CASP2: variants seen among roughly 807,000 people sequenced by gnomAD.
CASP2 encodes the protein caspase-2.
In CASP2, 38 loss-of-function variants were observed where a neutral mutation model predicts 54.4. That is an observed-to-expected ratio of 0.70 (90% CI 0.54 to 0.92). CASP2 has a LOEUF of 0.92. Ranked by LOEUF, CASP2 falls within the 40% of genes least tolerant of loss-of-function variation. CASP2 has a pLI of 0.00. For synonymous variants in CASP2, 215 were observed against 216.3 expected (o/e 0.99, Z 0.05); for missense variants, 512 against 579.6 (o/e 0.88, Z 1.20).
intron 1 of CASP2, 103 bp from the exon 2 acceptor site, chr7:143,291,437 G>T (rs1801554031): frequency 8.7e-7 from 1 of 1,154,390 alleles, no homozygotes; most frequent in Non-Finnish European, 1.3e-6. Context: ...CTTGGTTATT[G>T]TAAGTCTTAT....
chr7:143,297,948 A>G (rs963278855), intron 6 of CASP2, among the ~76,000 whole-genome samples: 2 of 152,244 alleles, frequency 1.3e-5, no homozygotes, highest in Non-Finnish European at 2.9e-5. Flanking sequence ...ATACTTTTCA[A>G]CAACACCAGT....
In CASP2 at chr7:143,305,038, C is replaced by T; in HGVS notation, c.1326C>T (p.His442=). ...MSEYCSTLCR[H]LYLFPGHPPT ...AATACTGCAGCACTCTGTGCCGCCA[C>T]CTCTACCTGTTCCCAGGACACCCTC... is the stretch of plus-strand genomic sequence containing the variant. The change falls in exon 11 of 11, where the codon CAC becomes CAT. Residue 442 remains histidine (H), a synonymous_variant. Transcript: ENST00000310447. 6.2e-7 allele frequency: 1 copy of T among 1,614,226 alleles called. No homozygotes were observed. Among genetic ancestry groups the T allele is most frequent in the East Asian group, 2.2e-5 (1 of 44,890 alleles).
rs779635305 is a variant in CASP2 at position 143,304,925 on chromosome 7, GT to G, written c.1228-13del. On this transcript the variant is annotated splice_polypyrimidine_tract_variant and intron_variant, in intron 10 of 10. Transcript: ENST00000310447. ...GAGATTCTCAGACTTGGGCCTATTG[GT>G]TCTGCCCCTCCAGGTGAACGCACTT... is the stretch of plus-strand genomic sequence containing the variant. The G allele has an allele frequency of 2.5e-6, 4 of 1,614,056 alleles. No individual in the cohort carries two copies. The highest frequency in any genetic ancestry group is 3.4e-6 in the Non-Finnish European group (4 of 1,180,052).
rs142190608 is a variant in CASP2 at position 143,304,717 on chromosome 7, C to T, written c.1161C>T (p.Ile387=). 3.3e-4 allele frequency: 539 copies of T among 1,614,150 alleles called. 6 individuals are homozygous for T. The African/African-American group carries it at 6.1e-3, about 18-fold the overall frequency. The change falls in exon 10 of 11, where the codon ATC becomes ATT. Residue 387 remains isoleucine, a synonymous_variant. Coordinates refer to ENST00000310447, the MANE Select transcript of CASP2 (RefSeq NM_032982.4). ...MRNTKRGSWY[I]EALAQVFSER... ...ACACCAAACGAGGTTCCTGGTACAT[C>T]GAGGCTCTTGCTCAAGTGTTTTCTG...
chr7:143,292,305 A>C lies in CASP2; in HGVS notation c.231A>C (p.Lys77Asn). The C allele has an allele frequency of 3.7e-6, 6 of 1,614,190 alleles. No homozygotes were observed. The highest frequency in any genetic ancestry group is 5.1e-6 in the Non-Finnish European group (6 of 1,180,028). ...GTTTTATTCTTGTGTCTTAGGCCAA[A>C]GTGGGCAGTTTCAGCCAGAATGTGG... ...TLEMRELIQA[K>N]VGSFSQNVEL... Residue 77 changes from lysine to asparagine, a missense_variant, in exon 3 of 11, where the codon AAA becomes AAC. Transcript: ENST00000310447.
At chr7:143,296,721 A>G (rs1317891282) in intron 6 of CASP2, among the ~76,000 whole-genome samples, 2 of 148,998 alleles carry the variant, frequency 1.3e-5, no homozygotes, top group Non-Finnish European at 3.0e-5. Context: ...TTGGCAAGCA[A>G]AGAAACAGAA....
intron 2 of CASP2, 134 bp downstream of exon 2, chr7:143,291,824 G>C: frequency 1.4e-6 from 1 of 723,336 alleles, no homozygotes; most frequent in African/African-American, 2.3e-5. Context: ...TGTCTCCCAG[G>C]CTGGAGTACA....
At chr7:143,295,540 C>G (rs1801720178) in intron 6 of CASP2, among the ~76,000 whole-genome samples, 1 of 152,150 alleles carries the variant, frequency 6.6e-6, no homozygotes, top group Non-Finnish European at 1.5e-5. Context: ...TATTTTGATT[C>G]CAGAATAGTA....
rs114832439 is a variant in CASP2 at position 143,290,414 on chromosome 7, T to C, written c.75-1126T>C. Among the ~76,000 whole-genome samples the C allele has an allele frequency of 2.2e-3, 328 of 152,216 alleles. 3 individuals carry two copies. Among genetic ancestry groups the C allele is most frequent in the African/African-American group, 7.2e-3 (297 of 41,510 alleles). The stretch of plus-strand genomic sequence containing the variant: ...TCAGAATGCATTTTAGAGTAGGTTT[T>C]TAAGTTATAAATGGAAGTTATTGTA... On this transcript the variant is annotated intron_variant, in intron 1 of 10. Coordinates refer to ENST00000310447, the MANE Select transcript of CASP2 (RefSeq NM_032982.4).
intron 6 of CASP2, among the ~76,000 whole-genome samples, chr7:143,297,830 C>T (rs999420778): frequency 2.0e-5 from 3 of 152,216 alleles, no homozygotes; most frequent in African/African-American, 7.2e-5. Flanking sequence ...GGAACATTCA[C>T]AGTTATGTAT....
Position 143,307,462 on chromosome 7 carries a change from T to C in CASP2, c.*2391T>C, listed in dbSNP as rs1265157371. ...GCATTTTTAGCTCCTTGAAGACATATCATGTGTGAGATAACTTCCTTCACA... is the reference window on the plus strand; with the variant it reads ...GCATTTTTAGCTCCTTGAAGACATACCATGTGTGAGATAACTTCCTTCACA... On this transcript the variant is annotated 3_prime_UTR_variant, in exon 11 of 11. Transcript: ENST00000310447. 2 of 152,224 alleles carry C rather than the reference T, an allele frequency of 1.3e-5. No homozygotes were observed. The highest frequency in any genetic ancestry group is 6.5e-5 in the Admixed American group (1 of 15,290). 9.4% of individuals were successfully genotyped at this position (152,224 alleles called of 1,614,324 possible).
intron 6 of CASP2, among the ~76,000 whole-genome samples, chr7:143,297,019 G>A (rs887693778): frequency 1.3e-5 from 2 of 152,106 alleles, no homozygotes; most frequent in Non-Finnish European, 2.9e-5. Flanking sequence ...TTACCATGTG[G>A]TATTGTTTTT....
rs755193826 is a variant in CASP2, at chr7:143,304,922, T to C, written c.1228-18T>C. 7.4e-6 allele frequency: 12 copies of C among 1,614,116 alleles called. No individual in the cohort carries two copies. The African/African-American group carries it at 1.2e-4, about 16-fold the overall frequency. ...CCCGAGATTCTCAGACTTGGGCCTA[T>C]TGGTTCTGCCCCTCCAGGTGAACGC... On this transcript the variant is annotated intron_variant, in intron 10 of 10. Coordinates refer to ENST00000310447, the MANE Select transcript of CASP2 (RefSeq NM_032982.4).
At position 143,306,614 on chromosome 7, in the gene CASP2, G is replaced by A. The variant is rs1331115622; in HGVS notation, c.*1543G>A. 6.8e-6 allele frequency: 1 copy of A among 146,066 alleles called. No individual in the cohort carries two copies. Among genetic ancestry groups the A allele is most frequent in the African/African-American group, 2.5e-5 (1 of 39,646 alleles). The allele number at this position is 146,066 out of a possible 1,614,324, so 9.0% of individuals were successfully genotyped here. Reference sequence around the variant, plus strand: ...CTTCCATTCTTTCTTCCTCCAGTCTGTTCTCACATAACAGAGTAGTTTTGG... The same window carrying A: ...CTTCCATTCTTTCTTCCTCCAGTCTATTCTCACATAACAGAGTAGTTTTGG... On this transcript the variant is annotated 3_prime_UTR_variant, in exon 11 of 11. Coordinates refer to ENST00000310447, the MANE Select transcript of CASP2 (RefSeq NM_032982.4).
Position 143,305,225 on chromosome 7 carries a change from T to C in CASP2, c.*154T>C. ...TTTCCTGTGCCCATCATCTCTGCCT[T>C]TGAGTGTGGGACTCCAGGCCAGCTC... On this transcript the variant is annotated 3_prime_UTR_variant, in exon 11 of 11. Coordinates refer to ENST00000310447, the MANE Select transcript of CASP2 (RefSeq NM_032982.4). 1.0e-6 allele frequency: 1 copy of C among 984,828 alleles called. No homozygotes were observed. Among genetic ancestry groups the C allele is most frequent in the African/African-American group, 1.6e-5 (1 of 62,194 alleles). The allele number at this position is 984,828 out of a possible 1,614,324, so 61.0% of individuals were successfully genotyped here.
chr7:143,300,162 C>T (rs1251146258), intron 7 of CASP2, 42 bp from the exon 8 acceptor site: 4 of 1,612,692 alleles, frequency 2.5e-6, no homozygotes, highest in Non-Finnish European at 3.4e-6. Flanking sequence ...GGAGGCCCCG[C>T]TGAATGCTTA....
At chr7:143,292,120 G>A (rs772915451) in intron 2 of CASP2, among the ~76,000 whole-genome samples, 180 bp from the exon 3 acceptor site, 8 of 152,060 alleles carry the variant, frequency 5.3e-5, no homozygotes, top group African/African-American at 9.7e-5. Flanking sequence ...CCCTTCTACC[G>A]TAGAGCATTT....
chr7:143,295,165 C>G (rs1453107680), intron 6 of CASP2, among the ~76,000 whole-genome samples: 1 of 152,062 alleles, frequency 6.6e-6, no homozygotes, highest in African/African-American at 2.4e-5. Context: ...GTAGCTGGAA[C>G]TGCAGGCGCA....
chr7:143,292,043 G>A (rs940506009), intron 2 of CASP2, among the ~76,000 whole-genome samples: 1 of 152,024 alleles, frequency 6.6e-6, no homozygotes, highest in Non-Finnish European at 1.5e-5. Context: ...CTCCCAAAGT[G>A]CTGGGATTAC....
Sources: allele counts gnomAD v4.1 joint callset (sites outside exome capture counted in the v4.1 genomes callset), GRCh38; gene constraint gnomAD v4.1.1; transcripts MANE v1.5; gene names NCBI Gene and HGNC (gene_info 2026-07-23, HGNC 2026-07-21).